Variants in BFSP1 observed in about 807,000 individuals in gnomAD.
The protein encoded by BFSP1 is beaded filament structural protein 1.
Under a neutral mutation model 43.9 loss-of-function variants are expected in BFSP1, and 38 were observed. That is an observed-to-expected ratio of 0.87 (90% CI 0.67 to 1.14). The LOEUF is 1.14. BFSP1 is among the 50% of genes most tolerant of loss of function. The probability of loss-of-function intolerance (pLI) is 0.00; values close to 1 mark genes in which losing one functional copy is unlikely to be tolerated. For synonymous variants in BFSP1, 352 were observed against 354.8 expected (o/e 0.99, Z 0.09); for missense variants, 850 against 875.1 (o/e 0.97, Z 0.36).
intron 5 of BFSP1, among the ~76,000 whole-genome samples, chr20:17,501,533 G>A (rs1473841925): frequency 4.1e-5 from 3 of 72,786 alleles, no homozygotes; most frequent in Non-Finnish European, 8.3e-5. Flanking sequence ...CCCAGACTGG[G>A]TGACAGAGCA....
intron 3 of BFSP1, among the ~76,000 whole-genome samples, chr20:17,514,359 G>A (rs1009010295): frequency 3.9e-5 from 6 of 152,120 alleles, no homozygotes; most frequent in African/African-American, 4.8e-5. Flanking sequence ...TGCAATTAAC[G>A]GGCTCAGAGG....
intron 4 of BFSP1, among the ~76,000 whole-genome samples, chr20:17,511,200 G>A (rs926941426): frequency 6.6e-6 from 1 of 152,166 alleles, no homozygotes; most frequent in African/African-American, 2.4e-5. Context: ...TGAGCAGCTA[G>A]AGAGTCAAAT....
At position 17,508,938 on chromosome 20, in the gene BFSP1, C is replaced by T. The variant is rs754800979; in HGVS notation, c.686G>A (p.Arg229Gln). 16 of 1,605,210 alleles carry T rather than the reference C, an allele frequency of 1.0e-5. No individual in the cohort carries two copies. Among genetic ancestry groups the T allele is most frequent in the South Asian group, 4.5e-5 (4 of 89,142 alleles). Residue 229 changes from arginine (R) to glutamine (Q), a missense_variant, in exon 5 of 8, where the codon CGG (arginine) becomes CAG (glutamine). Arg to Gln is a conservative substitution (Grantham distance 43). Transcript: ENST00000377873. ...CGCCTGCAGGTGGGAGAGCACCTCC[C>T]GGCCCTCCTCCAGCTGACTCCGCAG... ...AALRSQLEEGREVLSHLQAQR... is the reference protein window; with the variant it reads ...AALRSQLEEGQEVLSHLQAQR...
chr20:17,524,736 A>T (rs1273597459), intron 2 of BFSP1, 112 bp downstream of exon 2: 1 of 1,164,374 alleles, frequency 8.6e-7, no homozygotes, highest in East Asian at 2.4e-5. Flanking sequence ...ACTGCAAAAG[A>T]AGTAGTGACC....
intron 5 of BFSP1, among the ~76,000 whole-genome samples, chr20:17,499,967 T>C (rs1195876472): frequency 1.3e-5 from 2 of 152,166 alleles, no homozygotes; most frequent in African/African-American, 4.8e-5. Context: ...ATATGTATAA[T>C]TCAAATAAAG....
At chr20:17,516,420 AT>A (rs750255270) in intron 2 of BFSP1, among the ~76,000 whole-genome samples, 92 of 152,148 alleles carry the variant, frequency 6.0e-4, no homozygotes, top group Middle Eastern at 3.2e-3. Flanking sequence ...AAGATTTCTG[AT>A]TGTCTGATGC....
At chr20:17,547,734 C>CT (rs34519380) in intron 1 of BFSP1, among the ~76,000 whole-genome samples, 63,365 of 136,162 alleles carry the variant, frequency 0.47, 16,569 homozygotes, top group East Asian at 0.83. Context: ...CTTTTTCTTT[C>CT]TTTTTTTTTT....
rs2033980902 is a variant in BFSP1 at position 17,507,940 on chromosome 20, C to A, written c.735+949G>T. 6.6e-6 allele frequency among the ~76,000 whole-genome samples: 1 copy of A among 151,996 alleles called. No individual in the cohort carries two copies. Among genetic ancestry groups the A allele is most frequent in the Admixed American group, 6.6e-5 (1 of 15,254 alleles). Reference sequence around the variant, plus strand: ...GAATTAGGATGTGAACTCCAAGGTCCCAAAATGAAATCCTGAGCAGACATG... The same window carrying A: ...GAATTAGGATGTGAACTCCAAGGTCACAAAATGAAATCCTGAGCAGACATG... On this transcript the variant is annotated intron_variant, in intron 5 of 7. Coordinates refer to ENST00000377873, the MANE Select transcript of BFSP1 (RefSeq NM_001195.5). The surrounding 1 kb of genome is among the most constrained non-coding windows in gnomAD (Gnocchi z 4.4).
intron 1 of BFSP1, among the ~76,000 whole-genome samples, chr20:17,555,113 A>G (rs1035193460): frequency 1.3e-5 from 2 of 151,790 alleles, no homozygotes; most frequent in African/African-American, 4.8e-5. Flanking sequence ...AGCCTGGTCA[A>G]CAAAGTGAGA....
At chr20:17,512,160 C>T (rs1600648998) in intron 3 of BFSP1, 92 bp from the exon 4 acceptor site, 1 of 957,290 alleles carries the variant, frequency 1.0e-6, no homozygotes, top group African/African-American at 1.6e-5. Flanking sequence ...GACACTTCCG[C>T]ACGCTCCCTC....
At chr20:17,522,640 T>C (rs929895266) in intron 2 of BFSP1, among the ~76,000 whole-genome samples, 3 of 152,256 alleles carry the variant, frequency 2.0e-5, no homozygotes, top group African/African-American at 7.2e-5. Flanking sequence ...AACAGGGTTC[T>C]GCACCCACAC....
At chr20:17,547,224 T>A (rs1484523699) in intron 1 of BFSP1, among the ~76,000 whole-genome samples, 1 of 151,756 alleles carries the variant, frequency 6.6e-6, no homozygotes, top group East Asian at 1.9e-4. Context: ...AATAAATATA[T>A]ATATGAGGGA....
intron 3 of BFSP1, among the ~76,000 whole-genome samples, chr20:17,514,066 C>T (rs2034145557): frequency 6.6e-6 from 1 of 152,192 alleles, no homozygotes; most frequent in South Asian, 2.1e-4. Context: ...GCAGGGATGG[C>T]AGTGGGAGGA....
At position 17,519,170 on chromosome 20, in the gene BFSP1, T is replaced by A. The variant is rs571518637; in HGVS notation, c.439-4354A>T. Among the ~76,000 whole-genome samples the A allele has an allele frequency of 5.9e-5, 9 of 152,336 alleles. No individual in the cohort carries two copies. In the East Asian group the frequency reaches 1.3e-3, roughly 23 times the overall value. ...AGATTGAGCCACAAAGCTGAATGAC[T>A]GGAAACAGGGCTTCAAGGACCCTTT... On this transcript the variant is annotated intron_variant, in intron 2 of 7. Coordinates refer to ENST00000377873, the MANE Select transcript of BFSP1 (RefSeq NM_001195.5).
chr20:17,551,752 G>A (rs753678579), intron 1 of BFSP1, among the ~76,000 whole-genome samples: 2 of 152,312 alleles, frequency 1.3e-5, no homozygotes, highest in South Asian at 4.1e-4. Flanking sequence ...AGAGGCAGAG[G>A]CGGGTGGATC....
At chr20:17,549,858 T>C (rs1297405693) in intron 1 of BFSP1, among the ~76,000 whole-genome samples, 1 of 151,946 alleles carries the variant, frequency 6.6e-6, no homozygotes, top group Non-Finnish European at 1.5e-5. Flanking sequence ...ATTAATTAAA[T>C]AAAAAGTAAA....
chr20:17,517,153 A>G lies in BFSP1; in HGVS notation c.439-2337T>C, dbSNP rs186025411. ...AAGATTAAGCTGGCTGTCCTGAAAT[A>G]CTATAAGGTAGACGAGAATGGCAAA... On this transcript the variant is annotated intron_variant, in intron 2 of 7. Transcript: ENST00000377873. The G allele has an allele frequency of 9.2e-3, 7,357 of 800,028 alleles. 55 individuals carry two copies. The highest frequency in any genetic ancestry group is 0.013 in the South Asian group (968 of 75,212). The allele number at this position is 800,028 out of a possible 1,614,324, so 49.6% of individuals were successfully genotyped here.
intron 1 of BFSP1, among the ~76,000 whole-genome samples, chr20:17,539,627 G>A (rs1385772876): frequency 1.3e-5 from 2 of 151,966 alleles, no homozygotes; most frequent in South Asian, 2.1e-4. Flanking sequence ...AGCTGAGCAT[G>A]GTGGTGTGTA....
chr20:17,498,776 T>A, intron 6 of BFSP1, 44 bp downstream of exon 6: 2 of 1,589,284 alleles, frequency 1.3e-6, no homozygotes, highest in East Asian at 2.3e-5. Flanking sequence ...AATAAAGAGT[T>A]GTGGAAGGAA....
Sources: allele counts gnomAD v4.1 joint callset (sites outside exome capture counted in the v4.1 genomes callset), GRCh38; gene constraint gnomAD v4.1.1; non-coding constraint Gnocchi (gnomAD v3.1); transcripts MANE v1.5; gene names NCBI Gene and HGNC (gene_info 2026-07-23, HGNC 2026-07-21).